SLC35F3: variants seen among roughly 807,000 people sequenced by gnomAD.
SLC35F3 encodes the protein solute carrier family 35 member F3, also known as putative thiamine transporter SLC35F3.
In SLC35F3, 25 loss-of-function variants were observed where a neutral mutation model predicts 49.9. The observed-to-expected ratio is 0.50, with a 90% confidence interval of 0.37 to 0.70. The LOEUF (loss-of-function observed/expected upper bound fraction) is 0.70. SLC35F3 is among the 30% of genes least tolerant of loss of function. SLC35F3 has a pLI of 0.00. For synonymous variants in SLC35F3, 275 were observed against 265.4 expected, an observed-to-expected ratio of 1.04 and a Z score of -0.35; for missense variants, 525 against 639.8, an observed-to-expected ratio of 0.82 and a Z score of 1.94.
At chr1:234,210,496 G>C (rs1667032876) in intron 2 of SLC35F3, among the ~76,000 whole-genome samples, 1 of 152,172 alleles carries the variant, frequency 6.6e-6, no homozygotes, top group Non-Finnish European at 1.5e-5. Flanking sequence ...ATAGCAATAT[G>C]GACAAAAAAG....
chr1:233,992,435 G>A (rs1000127461), intron 2 of SLC35F3, among the ~76,000 whole-genome samples: 1 of 152,160 alleles, frequency 6.6e-6, no homozygotes, highest in Non-Finnish European at 1.5e-5. Context: ...AGAGAAGGTC[G>A]ACGGGGAAGT....
At chr1:234,120,032 G>A (rs1665549078) in intron 2 of SLC35F3, among the ~76,000 whole-genome samples, 1 of 152,164 alleles carries the variant, frequency 6.6e-6, no homozygotes, top group Non-Finnish European at 1.5e-5. Flanking sequence ...ATGGGGAGCT[G>A]GAGGTGCAGG....
In SLC35F3 at chr1:234,179,680, A is replaced by G. The variant is rs548305541; in HGVS notation, c.284-51737A>G. On this transcript the variant is annotated intron_variant, in intron 2 of 7. Coordinates refer to ENST00000366618, the MANE Select transcript of SLC35F3 (RefSeq NM_173508.4). ...GAGTTGAAACACATCTAAGGAAAAG[A>G]AAGGGTTTTATGAGCCAAGGACATG... Among the ~76,000 whole-genome samples, 8 of 152,176 alleles carry G rather than the reference A, an allele frequency of 5.3e-5. No homozygotes were observed. The East Asian group carries it at 1.5e-3, about 29-fold the overall frequency.
chr1:233,934,102 C>T (rs940844550), intron 2 of SLC35F3, among the ~76,000 whole-genome samples: 2 of 152,164 alleles, frequency 1.3e-5, no homozygotes, highest in African/African-American at 4.8e-5. Flanking sequence ...CTAAGGATAG[C>T]ATAGGATATC....
intron 2 of SLC35F3, among the ~76,000 whole-genome samples, chr1:234,164,157 G>A (rs562901252): frequency 2.1e-5 from 3 of 143,622 alleles, no homozygotes; most frequent in East Asian, 4.1e-4. Context: ...CTCTGCTTTC[G>A]CTCTTCCCCC....
intron 3 of SLC35F3, among the ~76,000 whole-genome samples, chr1:234,262,343 T>C (rs997410791): frequency 2.0e-5 from 3 of 152,216 alleles, no homozygotes; most frequent in African/African-American, 7.2e-5. Flanking sequence ...ACCTGTGAGA[T>C]AGGGTTAATA....
In SLC35F3 at chr1:234,316,620, G is replaced by T; in HGVS notation, c.847G>T (p.Ala283Ser). 3.7e-6 allele frequency: 6 copies of T among 1,609,428 alleles called. No individual in the cohort carries two copies. Among genetic ancestry groups the T allele is most frequent in the Non-Finnish European group, 5.1e-6 (6 of 1,176,282 alleles). ...MGVRIVAAILAIAGIVMMTYA... is the reference protein window; with the variant it reads ...MGVRIVAAILSIAGIVMMTYA... ...TGTCCAGATTGTGGCCGCCATCCTC[G>T]CCATCGCTGGCATTGTGATGATGAC... Residue 283 changes from alanine to serine, a missense_variant, in exon 5 of 8, where the codon GCC becomes TCC. This residue lies in a region of SLC35F3 where 216 missense variants were observed against 298.1 expected (regional missense o/e 0.72). Coordinates refer to ENST00000366618, the MANE Select transcript of SLC35F3 (RefSeq NM_173508.4).
At chr1:233,944,600 G>A (rs1377165468) in intron 2 of SLC35F3, among the ~76,000 whole-genome samples, 1 of 152,124 alleles carries the variant, frequency 6.6e-6, no homozygotes, top group Non-Finnish European at 1.5e-5. Flanking sequence ...CATTGGCTGA[G>A]GCAGACATCC....
chr1:233,991,489 G>T (rs965374537), intron 2 of SLC35F3, among the ~76,000 whole-genome samples: 16 of 151,906 alleles, frequency 1.1e-4, no homozygotes, highest in Non-Finnish European at 1.8e-4. Context: ...AAAACTAGAG[G>T]GTACAATTAC....
intron 2 of SLC35F3, among the ~76,000 whole-genome samples, chr1:233,980,719 G>T (rs1231130341): frequency 6.6e-6 from 1 of 152,034 alleles, no homozygotes; most frequent in Non-Finnish European, 1.5e-5. Context: ...TTAAAAGAAT[G>T]ATGATGATTT....
chr1:234,062,329 C>G (rs1032847257), intron 2 of SLC35F3, among the ~76,000 whole-genome samples: 1 of 152,192 alleles, frequency 6.6e-6, no homozygotes, highest in Non-Finnish European at 1.5e-5. Flanking sequence ...TTGACTTTTT[C>G]TTTCCCTGGT....
intron 2 of SLC35F3, among the ~76,000 whole-genome samples, chr1:234,098,797 G>A (rs1572051344): frequency 1.3e-5 from 2 of 151,732 alleles, no homozygotes; most frequent in East Asian, 3.9e-4. Flanking sequence ...AGATGGCGGT[G>A]GTAGTGATGG....
At chr1:234,188,139 A>C (rs1052967203) in intron 2 of SLC35F3, among the ~76,000 whole-genome samples, 1 of 151,930 alleles carries the variant, frequency 6.6e-6, no homozygotes, top group Non-Finnish European at 1.5e-5. Flanking sequence ...TGGTAGGCTG[A>C]GGCAGGAGAA....
rs1571972568 is a variant in SLC35F3 at position 233,904,990 on chromosome 1, C to T, written c.-88C>T. The T allele has an allele frequency of 1.2e-5, 17 of 1,449,992 alleles. 1 individual carries two copies. In the East Asian group the frequency reaches 3.8e-4, roughly 33 times the overall value. The allele number at this position is 1,449,992 out of a possible 1,614,324, so 89.8% of individuals were successfully genotyped here. Reference sequence around the variant, plus strand: ...CCCTCGGTGGGCAGCGCACTCCAGTCTTCCCAGGCTAGCGGCTGCAGGGAG... The same window carrying T: ...CCCTCGGTGGGCAGCGCACTCCAGTTTTCCCAGGCTAGCGGCTGCAGGGAG... On this transcript the variant is annotated 5_prime_UTR_variant, in exon 1 of 8. Coordinates refer to ENST00000366618, the MANE Select transcript of SLC35F3 (RefSeq NM_173508.4).
At chr1:234,256,757 A>G (rs1465808681) in intron 3 of SLC35F3, among the ~76,000 whole-genome samples, 5 of 152,264 alleles carry the variant, frequency 3.3e-5, no homozygotes, top group Non-Finnish European at 7.3e-5. Context: ...GTGCATGTGC[A>G]CGTTTCTCCT....
intron 3 of SLC35F3, among the ~76,000 whole-genome samples, chr1:234,275,758 AAAAAAAT>A (rs1353263067): frequency 1.0e-4 from 14 of 137,444 alleles, no homozygotes; most frequent in African/African-American, 3.9e-4. Context: ...TATTGAAAAA[AAAAAAAT>A]ATATATATAT....
At chr1:234,267,327 C>A (rs1169225005) in intron 3 of SLC35F3, among the ~76,000 whole-genome samples, 20 of 135,630 alleles carry the variant, frequency 1.5e-4, no homozygotes, top group African/African-American at 5.2e-4. Flanking sequence ...TTTTCCCCAC[C>A]CTTCCCGCCT....
At chr1:234,088,680 G>T (rs1169594326) in intron 2 of SLC35F3, among the ~76,000 whole-genome samples, 3 of 152,082 alleles carry the variant, frequency 2.0e-5, no homozygotes, top group African/African-American at 4.8e-5. Context: ...GTATGTTGTG[G>T]GGGCTGACAA....
chr1:234,270,114 A>C (rs187516472), intron 3 of SLC35F3, among the ~76,000 whole-genome samples: 1 of 152,370 alleles, frequency 6.6e-6, no homozygotes, highest in East Asian at 1.9e-4. Context: ...TTCTAGGACA[A>C]ACTGAGTTAC....
Sources: allele counts gnomAD v4.1 joint callset (sites outside exome capture counted in the v4.1 genomes callset), GRCh38; gene constraint gnomAD v4.1.1; regional missense constraint gnomAD v4.1.1; transcripts MANE v1.5; gene names NCBI Gene and HGNC (gene_info 2026-07-23, HGNC 2026-07-21).